Variants in LTBP1 observed in about 807,000 individuals in gnomAD.
The protein encoded by LTBP1 is latent transforming growth factor beta binding protein 1, also known as latent-transforming growth factor beta-binding protein 1.
In LTBP1, 129 loss-of-function variants were observed where a neutral mutation model predicts 207.6. The observed-to-expected ratio is 0.62, with a 90% CI of 0.54 to 0.72. The LOEUF (loss-of-function observed/expected upper bound fraction) is 0.72, where lower values mean the gene tolerates loss of function less well. LTBP1 is among the 30% of genes least tolerant of loss of function. The pLI, the probability that LTBP1 is intolerant of heterozygous loss-of-function variation, is 0.00. For missense variants in LTBP1, 2,281 were observed against 2,217.2 expected, an observed-to-expected ratio of 1.03 and a Z score of -0.58; for synonymous variants, 963 against 833.7, an observed-to-expected ratio of 1.16 and a Z score of -2.67.
At chr2:33,257,156 T>C in intron 11 of LTBP1, 128 bp from the exon 12 acceptor site, 1 of 678,340 alleles carries the variant, frequency 1.5e-6, no homozygotes, top group East Asian at 2.8e-5. Flanking sequence ...TTTGCACCTG[T>C]TTTTGAAGTT....
At chr2:32,967,960 T>A (rs986835468) in intron 2 of LTBP1, among the ~76,000 whole-genome samples, 1 of 147,480 alleles carries the variant, frequency 6.8e-6, no homozygotes, top group Non-Finnish European at 1.5e-5. Flanking sequence ...ATTCATCTAT[T>A]ATTCCTTGCA....
intron 3 of LTBP1, among the ~76,000 whole-genome samples, chr2:33,079,282 G>A (rs2078263625): frequency 6.6e-6 from 1 of 152,122 alleles, no homozygotes; most frequent in Non-Finnish European, 1.5e-5. Flanking sequence ...AGAATCGCAG[G>A]ACAGGACAGT....
At chr2:33,340,743 C>A in intron 24 of LTBP1, among the ~76,000 whole-genome samples, 1 of 152,078 alleles carries the variant, frequency 6.6e-6, no homozygotes, top group African/African-American at 2.4e-5. Context: ...TGTCTCCCTA[C>A]GATACATGCC....
At chr2:33,356,576 G>A (rs2094864287) in intron 26 of LTBP1, among the ~76,000 whole-genome samples, 1 of 152,150 alleles carries the variant, frequency 6.6e-6, no homozygotes, top group Non-Finnish European at 1.5e-5. Context: ...CTATTCAGGA[G>A]GCTGAGGCAG....
chr2:33,367,955 C>G (rs747463720), intron 31 of LTBP1, among the ~76,000 whole-genome samples: 18 of 152,294 alleles, frequency 1.2e-4, no homozygotes, highest in Non-Finnish European at 2.1e-4. Context: ...TGGCTCATGC[C>G]TGTAATCACA....
intron 24 of LTBP1, among the ~76,000 whole-genome samples, chr2:33,341,714 CAAAA>C (rs1212498794): frequency 2.7e-5 from 3 of 113,062 alleles, no homozygotes; most frequent in East Asian, 4.8e-4. Context: ...CCGTCTCACT[CAAAA>C]AAAAAAAAAA....
chr2:33,244,886 A>G (rs915460007), intron 10 of LTBP1, among the ~76,000 whole-genome samples: 2 of 151,464 alleles, frequency 1.3e-5, no homozygotes, highest in Admixed American at 1.3e-4. Flanking sequence ...CTATCTATCT[A>G]TTTATTTTTG....
chr2:33,105,473 G>C (rs956898497), intron 3 of LTBP1, among the ~76,000 whole-genome samples: 5 of 149,264 alleles, frequency 3.3e-5, no homozygotes, highest in Admixed American at 6.7e-5. Flanking sequence ...GTCTCACTCT[G>C]TTGCCCAGGC....
At chr2:33,174,507 G>C (rs2085806811) in intron 5 of LTBP1, among the ~76,000 whole-genome samples, 1 of 151,498 alleles carries the variant, frequency 6.6e-6, no homozygotes, top group Admixed American at 6.6e-5. Flanking sequence ...AAATAAAAGA[G>C]GATACAAACA....
At chr2:33,177,546 T>C (rs989912841) in intron 5 of LTBP1, among the ~76,000 whole-genome samples, 2 of 152,154 alleles carry the variant, frequency 1.3e-5, no homozygotes, top group Non-Finnish European at 2.9e-5. Context: ...TGGGTGCCTG[T>C]AATCTCAGCT....
At chr2:33,024,268 A>T (rs1474921561) in intron 3 of LTBP1, among the ~76,000 whole-genome samples, 1 of 152,230 alleles carries the variant, frequency 6.6e-6, no homozygotes, top group East Asian at 1.9e-4. Flanking sequence ...TGGAGAAAAT[A>T]AAACTGCATT....
intron 24 of LTBP1, among the ~76,000 whole-genome samples, chr2:33,331,576 AC>A (rs1456104479): frequency 6.6e-6 from 1 of 152,112 alleles, no homozygotes; most frequent in African/African-American, 2.4e-5. Flanking sequence ...CAGAGAATAT[AC>A]TCTAAATGAC....
rs1356820608 is a variant in LTBP1 at position 33,364,347 on chromosome 2, G to T, written c.4531G>T (p.Glu1511Ter). 6.2e-7 allele frequency: 1 copy of T among 1,612,936 alleles called. No homozygotes were observed. Among genetic ancestry groups the T allele is most frequent in the African/African-American group, 1.3e-5 (1 of 74,852 alleles). ...AGAAAAAAGATGTATACGACCGGCTGAGTCAAACGGTATGTTTCCAGGAGA... is the reference window on the plus strand; with the variant it reads ...AGAAAAAAGATGTATACGACCGGCTTAGTCAAACGGTATGTTTCCAGGAGA... ...ASEKRCIRPA[E>*]SNEQIEETDV... The change falls in exon 30 of 34, where the codon GAG becomes TAG. Residue 1511 changes from glutamate to a stop codon, truncating the protein, a stop_gained. Coordinates refer to ENST00000404816, the MANE Select transcript of LTBP1 (RefSeq NM_206943.4). LOFTEE classifies it high-confidence loss of function.
intron 5 of LTBP1, among the ~76,000 whole-genome samples, chr2:33,137,664 AT>A: frequency 6.6e-6 from 1 of 152,210 alleles, no homozygotes; most frequent in East Asian, 1.9e-4. Context: ...AACAGAAATA[AT>A]TTCCAACATT....
chr2:33,056,502 T>G (rs2077007217), intron 3 of LTBP1: 1 of 764,664 alleles, frequency 1.3e-6, no homozygotes, highest in South Asian at 2.4e-5. Context: ...CGTCTTCTTC[T>G]TGTCCCTTCG....
intron 2 of LTBP1, among the ~76,000 whole-genome samples, chr2:33,009,564 G>A (rs1413911328): frequency 6.6e-6 from 1 of 152,142 alleles, no homozygotes; most frequent in African/African-American, 2.4e-5. Context: ...GCCAAAGAAC[G>A]CTTGAGGCTA....
chr2:33,014,299 C>T (rs1479390990), intron 2 of LTBP1, among the ~76,000 whole-genome samples: 1 of 151,962 alleles, frequency 6.6e-6, no homozygotes, highest in Non-Finnish European at 1.5e-5. Context: ...AGGAGGCTAA[C>T]CCAGAGACAT....
intron 7 of LTBP1, among the ~76,000 whole-genome samples, chr2:33,208,927 G>T (rs1004007538): frequency 3.4e-5 from 5 of 147,456 alleles, no homozygotes; most frequent in Admixed American, 6.9e-5. Flanking sequence ...GAGTGCAGTG[G>T]CGCGATCTCG....
At chr2:33,304,247 A>T (rs1013643663) in intron 22 of LTBP1, among the ~76,000 whole-genome samples, 6 of 152,188 alleles carry the variant, frequency 3.9e-5, no homozygotes, top group African/African-American at 1.4e-4. Flanking sequence ...AGTCCATCCA[A>T]CTAATTTAGA....
Sources: allele counts gnomAD v4.1 joint callset (sites outside exome capture counted in the v4.1 genomes callset), GRCh38; gene constraint gnomAD v4.1.1; transcripts MANE v1.5; gene names NCBI Gene and HGNC (gene_info 2026-07-23, HGNC 2026-07-21).